CHCHD3: variants seen among roughly 807,000 people sequenced by gnomAD.
CHCHD3 encodes the protein MICOS complex subunit MIC19.
A neutral mutation model predicts 38.2 loss-of-function variants in CHCHD3; 20 were observed. That is an observed-to-expected ratio of 0.52 (90% confidence interval 0.37 to 0.76). The LOEUF (loss-of-function observed/expected upper bound fraction) is 0.76. Ranked by LOEUF, CHCHD3 falls within the 30% of genes least tolerant of loss-of-function variation. CHCHD3 has a pLI of 0.00. For synonymous variants in CHCHD3, 82 were observed against 100.0 expected, an observed-to-expected ratio of 0.82 and a Z score of 1.07; for missense variants, 245 against 279.2, an observed-to-expected ratio of 0.88 and a Z score of 0.87.
In CHCHD3 at chr7:132,884,259, T is replaced by C. The variant is rs145093180; in HGVS notation, c.453+1403A>G. On this transcript the variant is annotated intron_variant, in intron 5 of 7. Coordinates refer to ENST00000262570, the MANE Select transcript of CHCHD3 (RefSeq NM_017812.4). The stretch of plus-strand genomic sequence containing the variant: ...ACCATAGGCCTCTTCCCAAATGTCA[T>C]CTCAACAGAGAGTTCTTCCCTCTGT... 7.4e-4 allele frequency among the ~76,000 whole-genome samples: 113 copies of C among 152,138 alleles called. 2 individuals carry two copies. The highest frequency in any genetic ancestry group is 6.8e-3 in the Middle Eastern group (2 of 294).
intron 5 of CHCHD3, chr7:132,849,164 G>A (rs1808154316): frequency 6.6e-6 from 1 of 152,154 alleles, no homozygotes; most frequent in African/African-American, 2.4e-5. Context: ...CTTGTGGAAG[G>A]CAGTGGTTCT....
intron 4 of CHCHD3, among the ~76,000 whole-genome samples, chr7:132,940,686 A>C (rs1283504193): frequency 6.6e-6 from 1 of 152,192 alleles, no homozygotes; most frequent in Non-Finnish European, 1.5e-5. Flanking sequence ...GGCTTCTAAC[A>C]ATCACAAGCC....
At chr7:132,891,164 G>T (rs974567595) in intron 4 of CHCHD3, among the ~76,000 whole-genome samples, 1 of 152,176 alleles carries the variant, frequency 6.6e-6, no homozygotes, top group Non-Finnish European at 1.5e-5. Context: ...TTGAATTCTA[G>T]GCTTTTGTTA....
At chr7:133,075,699 T>TA (rs1186339809) in intron 1 of CHCHD3, among the ~76,000 whole-genome samples, 2 of 152,126 alleles carry the variant, frequency 1.3e-5, no homozygotes, top group African/African-American at 4.8e-5. Flanking sequence ...ATCTTTCTGA[T>TA]AAAAAATGAC....
At chr7:132,945,632 AG>A (rs912207583) in intron 4 of CHCHD3, among the ~76,000 whole-genome samples, 2 of 151,924 alleles carry the variant, frequency 1.3e-5, no homozygotes, top group African/African-American at 4.8e-5. Context: ...CATTACTACG[AG>A]TTAGTGGTCA....
chr7:132,916,741 C>T (rs1314550594), intron 4 of CHCHD3, among the ~76,000 whole-genome samples: 1 of 151,950 alleles, frequency 6.6e-6, no homozygotes, highest in East Asian at 1.9e-4. Flanking sequence ...ACCATCATGC[C>T]CAGCTAATTT....
chr7:133,042,657 T>C (rs1390860790), intron 2 of CHCHD3, among the ~76,000 whole-genome samples: 1 of 152,210 alleles, frequency 6.6e-6, no homozygotes, highest in African/African-American at 2.4e-5. Context: ...AGATGTTCCA[T>C]GTCCCTACCC....
intron 4 of CHCHD3, chr7:132,973,044 G>A (rs911065966): frequency 1.0e-6 from 1 of 985,016 alleles, no homozygotes; most frequent in African/African-American, 1.7e-5. Context: ...ACATTTTTTT[G>A]TGAAATCTCT....
At chr7:133,076,118 C>T (rs920205153) in intron 1 of CHCHD3, among the ~76,000 whole-genome samples, 1 of 149,994 alleles carries the variant, frequency 6.7e-6, no homozygotes, top group African/African-American at 2.5e-5. Flanking sequence ...TTTCCTGAAC[C>T]GGGCACTTGT....
intron 3 of CHCHD3, among the ~76,000 whole-genome samples, chr7:133,004,610 A>C (rs1042383725): frequency 6.6e-6 from 1 of 152,236 alleles, no homozygotes; most frequent in Non-Finnish European, 1.5e-5. Flanking sequence ...GTATATCCAA[A>C]GAGAATGAGA....
At chr7:132,859,563 T>C (rs548683567) in intron 5 of CHCHD3, among the ~76,000 whole-genome samples, 3 of 152,230 alleles carry the variant, frequency 2.0e-5, no homozygotes, top group African/African-American at 4.8e-5. Flanking sequence ...GAATTAAATT[T>C]AGATTAGCCA....
At chr7:132,799,900 T>G (rs2117034491) in intron 6 of CHCHD3, among the ~76,000 whole-genome samples, 1 of 152,142 alleles carries the variant, frequency 6.6e-6, no homozygotes, top group East Asian at 1.9e-4. Flanking sequence ...CCGCCCTCCC[T>G]TTGGCCCTCC....
chr7:133,067,396 T>C (rs779046510), intron 2 of CHCHD3, among the ~76,000 whole-genome samples: 2 of 152,216 alleles, frequency 1.3e-5, no homozygotes, highest in Non-Finnish European at 2.9e-5. Context: ...AAACAATGGT[T>C]ATAGCACAGA....
chr7:132,943,385 A>G (rs1037219273), intron 4 of CHCHD3, among the ~76,000 whole-genome samples: 8 of 152,140 alleles, frequency 5.3e-5, no homozygotes, highest in Non-Finnish European at 1.2e-4. Context: ...TGGTAAATAT[A>G]CCAATTGGAC....
chr7:132,995,504 T>G (rs926034464), intron 3 of CHCHD3, among the ~76,000 whole-genome samples: 1 of 152,232 alleles, frequency 6.6e-6, no homozygotes, highest in Non-Finnish European at 1.5e-5. Flanking sequence ...AGTGAAATCA[T>G]AGACATACTT....
intron 3 of CHCHD3, among the ~76,000 whole-genome samples, chr7:133,015,072 T>C (rs1004776357): frequency 2.0e-5 from 3 of 152,226 alleles, no homozygotes; most frequent in African/African-American, 7.2e-5. Context: ...CCAGGCACAG[T>C]GGCTCACGCC....
intron 4 of CHCHD3, among the ~76,000 whole-genome samples, chr7:132,901,764 T>C (rs1415843744): frequency 6.6e-6 from 1 of 152,230 alleles, no homozygotes; most frequent in African/African-American, 2.4e-5. Context: ...ATTCTGTAGG[T>C]TGCCTGTTCA....
chr7:132,886,132 C>T (rs955208544), intron 4 of CHCHD3, among the ~76,000 whole-genome samples: 3 of 151,962 alleles, frequency 2.0e-5, no homozygotes, highest in African/African-American at 7.2e-5. Context: ...AAAGTAATGC[C>T]TAAATAACAT....
At chr7:132,894,372 G>A (rs893788147) in intron 4 of CHCHD3, among the ~76,000 whole-genome samples, 13 of 152,046 alleles carry the variant, frequency 8.6e-5, no homozygotes, top group African/African-American at 2.2e-4. Context: ...TTGACTCTTC[G>A]GAATCACCAC....
Sources: allele counts gnomAD v4.1 joint callset (sites outside exome capture counted in the v4.1 genomes callset), GRCh38; gene constraint gnomAD v4.1.1; transcripts MANE v1.5; gene names NCBI Gene and HGNC (gene_info 2026-07-23, HGNC 2026-07-21).